The following ZNF608 variants were observed in gnomAD, a reference collection of about 807,000 sequenced individuals.
The protein encoded by ZNF608 is renal carcinoma antigen NY-REN-36.
ZNF608 carries 12 observed loss-of-function variants against 109.0 expected under a neutral mutation model. The ratio of observed to expected loss-of-function variants is 0.11; its 90% CI spans 0.07 to 0.18. The LOEUF is 0.18. ZNF608 is among the 10% of genes least tolerant of loss of function. The pLI, the probability that ZNF608 is intolerant of heterozygous loss-of-function variation, is 1.00. For missense variants in ZNF608, 1,707 were observed against 1,879.3 expected, an observed-to-expected ratio of 0.91 and a Z score of 1.70; for synonymous variants, 732 against 717.4, an observed-to-expected ratio of 1.02 and a Z score of -0.33.
At chr5:124,700,575 T>A (rs1753011790) in intron 3 of ZNF608, among the ~76,000 whole-genome samples, 1 of 152,212 alleles carries the variant, frequency 6.6e-6, no homozygotes, top group African/African-American at 2.4e-5. Context: ...ATGACAATGA[T>A]CCTCACTATG....
At chr5:124,739,075 G>A (rs1211581350) in intron 2 of ZNF608, among the ~76,000 whole-genome samples, 1 of 152,092 alleles carries the variant, frequency 6.6e-6, no homozygotes, top group Admixed American at 6.5e-5. Flanking sequence ...ACAACCAGGG[G>A]TCCCTTTCTC....
chr5:124,721,941 C>CAAAAAAAA lies in ZNF608; in HGVS notation c.907-20680_907-20673dup, dbSNP rs199699487. On this transcript the variant is annotated intron_variant, in intron 2 of 9. Transcript: ENST00000513986. ...TGGGCGACAGAATGAGACTCTGTCT[C>CAAAAAAAA]AAAAAAAAAAAAAAAAAAAAAAAAA... 2.6e-3 allele frequency among the ~76,000 whole-genome samples: 54 copies of CAAAAAAAA among 20,810 alleles called. 6 individuals are homozygous for CAAAAAAAA. The highest frequency in any genetic ancestry group is 7.5e-3 in the African/African-American group (38 of 5,042). 13.7% of individuals were successfully genotyped at this position (20,810 alleles called of 152,430 possible).
In ZNF608 at chr5:124,643,493, C is replaced by T. The variant is rs568821421; in HGVS notation, c.4296+18G>A. On this transcript the variant is annotated intron_variant, in intron 7 of 9. Coordinates refer to ENST00000513986, the MANE Select transcript of ZNF608 (RefSeq NM_020747.3). ...CCCAAATCACAGTACTTTTAAATAA[C>T]AACAAAAGGAGGCTTACAGCAGGAG... 4 of 1,612,060 alleles carry T rather than the reference C, an allele frequency of 2.5e-6. No homozygotes were observed. The highest frequency in any genetic ancestry group is 2.2e-5 in the East Asian group (1 of 44,850).
intron 2 of ZNF608, among the ~76,000 whole-genome samples, chr5:124,705,506 A>G (rs1226714388): frequency 6.6e-6 from 1 of 152,180 alleles, no homozygotes; most frequent in Non-Finnish European, 1.5e-5. Context: ...AGGTCAGTAA[A>G]CACTGGCTTA....
intron 3 of ZNF608, among the ~76,000 whole-genome samples, chr5:124,677,033 C>T (rs956619737): frequency 2.6e-5 from 4 of 152,058 alleles, no homozygotes; most frequent in Admixed American, 2.0e-4. Flanking sequence ...AGGAAATATA[C>T]GTTTGCTTTC....
intron 2 of ZNF608, chr5:124,708,571 C>T: frequency 5.4e-6 from 2 of 373,226 alleles, no homozygotes; most frequent in South Asian, 2.0e-5. Flanking sequence ...TAATACAATC[C>T]CTTCAGAAAC....
At chr5:124,680,350 A>C (rs11957194) in intron 3 of ZNF608, among the ~76,000 whole-genome samples, 2 of 73,974 alleles carry the variant, frequency 2.7e-5, no homozygotes, top group African/African-American at 1.3e-4. Flanking sequence ...TTATGGCCAC[A>C]AAAAAAAAAA....
At chr5:124,674,764 C>A (rs976489293) in intron 3 of ZNF608, among the ~76,000 whole-genome samples, 3 of 152,150 alleles carry the variant, frequency 2.0e-5, no homozygotes, top group African/African-American at 4.8e-5. Context: ...ATATGCACCA[C>A]CACACCTGGC....
chr5:124,682,711 A>G, intron 3 of ZNF608, among the ~76,000 whole-genome samples: 1 of 152,238 alleles, frequency 6.6e-6, no homozygotes. Context: ...ACACTAAGCA[A>G]ACAAAAAAAT....
intron 2 of ZNF608, among the ~76,000 whole-genome samples, chr5:124,715,606 T>G (rs761709778): frequency 5.9e-5 from 9 of 152,172 alleles, no homozygotes; most frequent in Non-Finnish European, 1.3e-4. Context: ...AATTAAAAAA[T>G]GCATGCTTAT....
At position 124,743,765 on chromosome 5, in the gene ZNF608, C is replaced by T. The variant is rs539879744; in HGVS notation, c.906+319G>A. On this transcript the variant is annotated intron_variant, in intron 2 of 9. Coordinates refer to ENST00000513986, the MANE Select transcript of ZNF608 (RefSeq NM_020747.3). ...TTTTCTATTAAAAGCACACGGCAAC[C>T]TGCTGACTAGTGAGGAACCGATCTA... is the stretch of plus-strand genomic sequence containing the variant. Among the ~76,000 whole-genome samples, 11 of 152,248 alleles carry T rather than the reference C, an allele frequency of 7.2e-5. No individual in the cohort carries two copies. The East Asian group carries it at 2.1e-3, about 29-fold the overall frequency.
At chr5:124,641,750 G>A (rs772633477) in intron 7 of ZNF608, among the ~76,000 whole-genome samples, 25 of 152,160 alleles carry the variant, frequency 1.6e-4, no homozygotes, top group Non-Finnish European at 2.8e-4. Flanking sequence ...AAGTAGTTTT[G>A]GAGATATCTT....
chr5:124,710,111 CT>C (rs1180505638), intron 2 of ZNF608: 1 of 414,892 alleles, frequency 2.4e-6, no homozygotes, highest in East Asian at 7.1e-5. Context: ...ATACATTGTC[CT>C]TGTGTGACCC....
chr5:124,678,359 C>G (rs914035298), intron 3 of ZNF608, among the ~76,000 whole-genome samples: 2 of 152,182 alleles, frequency 1.3e-5, no homozygotes, highest in African/African-American at 4.8e-5. Context: ...ATCTAATTAA[C>G]TATGGAAATC....
intron 2 of ZNF608, among the ~76,000 whole-genome samples, chr5:124,727,272 CA>C (rs1428628869): frequency 6.6e-6 from 1 of 152,210 alleles, no homozygotes; most frequent in African/African-American, 2.4e-5. Flanking sequence ...GTCAAGGCTT[CA>C]GAGGAAATAA....
Position 124,746,181 on chromosome 5 carries a change from CAG to C in ZNF608, c.-184+12_-184+13del, listed in dbSNP as rs772952890. The C allele has an allele frequency of 3.0e-6, 3 of 985,284 alleles. No individual in the cohort carries two copies. The highest frequency in any genetic ancestry group is 3.6e-6 in the Non-Finnish European group (3 of 829,922). 61.0% of individuals were successfully genotyped at this position (985,284 alleles called of 1,614,324 possible). On this transcript the variant is annotated intron_variant, in intron 1 of 9. Transcript: ENST00000513986. ...ACATACACACACACATACACACACA[CAG>C]ACATTGCTTACCTTTTAATCCTTTA...
chr5:124,715,223 T>G (rs914465977), intron 2 of ZNF608, among the ~76,000 whole-genome samples: 1 of 152,214 alleles, frequency 6.6e-6, no homozygotes, highest in African/African-American at 2.4e-5. Context: ...TTATTAACCA[T>G]TTATTCTTGC....
At chr5:124,740,117 T>C (rs1749321686) in intron 2 of ZNF608, among the ~76,000 whole-genome samples, 2 of 152,206 alleles carry the variant, frequency 1.3e-5, no homozygotes, top group East Asian at 1.9e-4. Context: ...TTATCTCCTA[T>C]AGGACAATCT....
At chr5:124,706,293 A>G (rs1420802915) in intron 2 of ZNF608, among the ~76,000 whole-genome samples, 1 of 152,206 alleles carries the variant, frequency 6.6e-6, no homozygotes, top group Admixed American at 6.5e-5. Flanking sequence ...TGTGACTACT[A>G]CAGAAGATCA....
Sources: allele counts gnomAD v4.1 joint callset (sites outside exome capture counted in the v4.1 genomes callset), GRCh38; gene constraint gnomAD v4.1.1; transcripts MANE v1.5; gene names NCBI Gene and HGNC (gene_info 2026-07-23, HGNC 2026-07-21).